EFCAB5: variants seen among roughly 807,000 people sequenced by gnomAD.
EFCAB5 encodes the protein EF-hand calcium-binding domain-containing protein 5.
Under a neutral mutation model 167.9 loss-of-function variants are expected in EFCAB5, and 131 were observed. The ratio of observed to expected loss-of-function variants is 0.78; its 90% CI spans 0.68 to 0.90. The LOEUF (loss-of-function observed/expected upper bound fraction) is 0.90. Ranked by LOEUF, EFCAB5 falls within the 40% of genes least tolerant of loss-of-function variation. The pLI is 0.00. For missense variants in EFCAB5, 1,663 were observed against 1,745.2 expected (o/e 0.95, Z 0.84); for synonymous variants, 574 against 602.8 (o/e 0.95, Z 0.70).
rs35019863 is a variant in EFCAB5 at position 30,070,949 on chromosome 17, C to CAA, written c.2738-7238_2738-7237dup. Among the ~76,000 whole-genome samples the CAA allele has an allele frequency of 3.8e-3, 231 of 60,152 alleles. 12 individuals carry two copies. The highest frequency in any genetic ancestry group is 7.8e-3 in the East Asian group (10 of 1,288). The allele number at this position is 60,152 out of a possible 152,430, so 39.5% of individuals were successfully genotyped here. The stretch of plus-strand genomic sequence containing the variant: ...TGGGTGACAGAGCGAGATTCCATCT[C>CAA]AAAAAAAAAAAAAAAAAAAAAAAAA... On this transcript the variant is annotated intron_variant, in intron 14 of 22. Coordinates refer to ENST00000394835, the MANE Select transcript of EFCAB5 (RefSeq NM_198529.4).
chr17:29,996,209 A>C, intron 5 of EFCAB5, 103 bp from the exon 6 acceptor site: 2 of 963,416 alleles, frequency 2.1e-6, no homozygotes, highest in South Asian at 1.7e-5. Flanking sequence ...ACCCAATACT[A>C]AAACAGAAAG....
Position 30,053,159 on chromosome 17 carries a change from T to G in EFCAB5, c.1301-96T>G, listed in dbSNP as rs2070147845. ...TAGAGCAATAGGCCTATATTACAAT[T>G]TCTGTGCTCAATGCTTTTCTTTGCA... On this transcript the variant is annotated intron_variant, in intron 9 of 22. Coordinates refer to ENST00000394835, the MANE Select transcript of EFCAB5 (RefSeq NM_198529.4). 7 of 1,397,464 alleles carry G rather than the reference T, an allele frequency of 5.0e-6. No individual in the cohort carries two copies. In the Admixed American group the frequency reaches 1.6e-4, roughly 32 times the overall value. 86.6% of individuals were successfully genotyped at this position (1,397,464 alleles called of 1,614,324 possible). A position where few individuals can be genotyped will look rare whatever the true frequency, so the allele number is the denominator to read the frequency against.
At chr17:30,091,091 G>C (rs1380701222) in intron 20 of EFCAB5, among the ~76,000 whole-genome samples, 1 of 152,184 alleles carries the variant, frequency 6.6e-6, no homozygotes, top group Non-Finnish European at 1.5e-5. Flanking sequence ...GGCTGGATTT[G>C]AACCTAGATT....
intron 11 of EFCAB5, 39 bp downstream of exon 11, chr17:30,056,004 G>C (rs1187460166): frequency 6.2e-7 from 1 of 1,613,018 alleles, no homozygotes; most frequent in East Asian, 2.2e-5. Flanking sequence ...TTATACCCTA[G>C]AACAAAAATA....
intron 3 of EFCAB5, among the ~76,000 whole-genome samples, chr17:29,955,785 A>G (rs1480715509): frequency 2.3e-5 from 3 of 127,686 alleles, no homozygotes; most frequent in African/African-American, 9.1e-5. Context: ...ACTACCAATG[A>G]CATTCTTCAC....
At chr17:30,077,428 A>G (rs1218366723) in intron 14 of EFCAB5, among the ~76,000 whole-genome samples, 1 of 152,184 alleles carries the variant, frequency 6.6e-6, no homozygotes, top group African/African-American at 2.4e-5. Context: ...ATGTAACTAT[A>G]ATAACATTGG....
chr17:30,033,227 C>T (rs964401891), intron 7 of EFCAB5, among the ~76,000 whole-genome samples: 1 of 152,102 alleles, frequency 6.6e-6, no homozygotes, highest in Admixed American at 6.5e-5. Context: ...TGCAGGCGCC[C>T]GCCACCACGC....
intron 14 of EFCAB5, among the ~76,000 whole-genome samples, chr17:30,062,357 C>T (rs182518870): frequency 1.1e-4 from 17 of 152,306 alleles, no homozygotes; most frequent in Non-Finnish European, 1.0e-4. Context: ...ACTACCCCAT[C>T]CCCCAACCAG....
intron 4 of EFCAB5, among the ~76,000 whole-genome samples, chr17:29,970,212 G>A (rs764794613): frequency 1.3e-5 from 2 of 151,950 alleles, no homozygotes; most frequent in African/African-American, 2.4e-5. Context: ...CACTGGTTTG[G>A]GATTGAGCCT....
At chr17:30,066,784 GA>G (rs1003579157) in intron 14 of EFCAB5, among the ~76,000 whole-genome samples, 67 of 149,572 alleles carry the variant, frequency 4.5e-4, no homozygotes, top group South Asian at 1.5e-3. Flanking sequence ...GACTAACCAA[GA>G]AAAAAAAAGA....
At chr17:30,068,593 G>A (rs1019418092) in intron 14 of EFCAB5, 44 of 1,247,414 alleles carry the variant, frequency 3.5e-5, no homozygotes, top group Admixed American at 8.2e-5. Context: ...TGCTGACATG[G>A]GCAGGTCCCT....
At chr17:30,085,737 AAG>A (rs1271970397) in intron 18 of EFCAB5, among the ~76,000 whole-genome samples, 1 of 144,226 alleles carries the variant, frequency 6.9e-6, no homozygotes, top group Non-Finnish European at 1.5e-5. Context: ...AAAAAAAAAA[AAG>A]AAAAGAAAAG....
intron 14 of EFCAB5, among the ~76,000 whole-genome samples, chr17:30,070,323 T>A (rs145838932): frequency 1.3e-5 from 2 of 152,268 alleles, no homozygotes; most frequent in African/African-American, 2.4e-5. Context: ...CAATAGCATT[T>A]TTCATAGAAA....
chr17:30,088,679 A>T (rs541066690), intron 19 of EFCAB5, among the ~76,000 whole-genome samples: 1 of 152,222 alleles, frequency 6.6e-6, no homozygotes, highest in Admixed American at 6.5e-5. Context: ...ACAGATCTTA[A>T]CTGAGAACAC....
At chr17:30,049,739 G>C (rs1174940896) in intron 8 of EFCAB5, among the ~76,000 whole-genome samples, 3 of 152,170 alleles carry the variant, frequency 2.0e-5, no homozygotes, top group Non-Finnish European at 4.4e-5. Flanking sequence ...TGGATATGAA[G>C]AAATAACACT....
rs1381477207 is a variant in EFCAB5 at position 30,080,977 on chromosome 17, A to G, written c.3422A>G (p.Tyr1141Cys). The G allele has an allele frequency of 1.2e-6, 2 of 1,611,648 alleles. No homozygotes were observed. The highest frequency in any genetic ancestry group is 1.3e-5 in the African/African-American group (1 of 74,986). ...NIFLPHEIRF[Y>C]QGVANVFSTA... is the part of the protein sequence containing the mutation. ...TTTCTACCTCATGAGATCAGATTCT[A>G]TCAGGTAAGTCATAGAAGTCTTCAA... Residue 1141 changes from tyrosine (Y) to cysteine (C), a missense_variant, in exon 17 of 23, where the codon TAT becomes TGT. By Grantham distance (194) the Tyr-to-Cys change is radical. Coordinates refer to ENST00000394835, the MANE Select transcript of EFCAB5 (RefSeq NM_198529.4).
At chr17:29,942,435 A>G in intron 2 of EFCAB5, 133 bp downstream of exon 2, 3 of 730,438 alleles carry the variant, frequency 4.1e-6, no homozygotes, top group Non-Finnish European at 6.3e-6. Context: ...GGACAAACTC[A>G]TGTTGATTAT....
rs963003443 is a variant in EFCAB5, at chr17:30,108,016, G to A, written c.4504G>A (p.Glu1502Lys). The A allele has an allele frequency of 3.1e-6, 5 of 1,606,842 alleles. No individual in the cohort carries two copies. Among genetic ancestry groups the A allele is most frequent in the Admixed American group, 3.5e-5 (2 of 57,848 alleles). The change falls in exon 23 of 23, where the codon GAG becomes AAG. Residue 1502 changes from glutamate (E) to lysine (K), a missense_variant. Glu to Lys is a moderately conservative substitution (Grantham distance 56). Coordinates refer to ENST00000394835, the MANE Select transcript of EFCAB5 (RefSeq NM_198529.4). ...AAAAATGCCAGGGGAAGGTTTGCAA[G>A]AGAAGTGATAATGGATGATAATGGA... ...YAKMPGEGLQ[E>K]K is the part of the protein sequence containing the mutation.
At chr17:30,046,468 T>C (rs906593423) in intron 8 of EFCAB5, among the ~76,000 whole-genome samples, 4 of 152,154 alleles carry the variant, frequency 2.6e-5, no homozygotes, top group Non-Finnish European at 5.9e-5. Flanking sequence ...GAAAACCTGA[T>C]CATTATATAG....
Sources: allele counts gnomAD v4.1 joint callset (sites outside exome capture counted in the v4.1 genomes callset), GRCh38; gene constraint gnomAD v4.1.1; transcripts MANE v1.5; gene names NCBI Gene and HGNC (gene_info 2026-07-23, HGNC 2026-07-21).